The following ATRN variants were observed in gnomAD, a reference collection of about 807,000 sequenced individuals.
ATRN encodes the protein attractin.
In ATRN, 54 loss-of-function variants were observed where a neutral mutation model predicts 178.7. The observed-to-expected ratio is 0.30, with a 90% CI of 0.24 to 0.38. ATRN has a LOEUF of 0.38. Among genes scored for constraint, ATRN ranks in the 10% least tolerant of loss-of-function variants. The probability of loss-of-function intolerance (pLI) is 1.00; values close to 1 mark genes in which losing one functional copy is unlikely to be tolerated. For missense variants in ATRN, 1,443 were observed against 1,815.1 expected, an observed-to-expected ratio of 0.79 and a Z score of 3.73; for synonymous variants, 636 against 663.0, an observed-to-expected ratio of 0.96 and a Z score of 0.63.
rs1033039516 is a variant in ATRN, at chr20:3,475,288, C to T, written c.410+3771C>T. Among the ~76,000 whole-genome samples the T allele has an allele frequency of 1.3e-4, 20 of 152,156 alleles. No homozygotes were observed. The East Asian group carries it at 1.4e-3, about 10-fold the overall frequency. ...ATTAATTGAAGGGAACGTAGGCTAA[C>T]GAGGAGTGGATTTCCCTAAGGTTAT... On this transcript the variant is annotated intron_variant, in intron 1 of 28. Transcript: ENST00000262919.
At chr20:3,603,023 C>T (rs995564515) in intron 23 of ATRN, among the ~76,000 whole-genome samples, 11 of 131,360 alleles carry the variant, frequency 8.4e-5, no homozygotes, top group African/African-American at 1.5e-4. Context: ...TCAATGAAGA[C>T]GTGATAATGT....
chr20:3,485,729 C>T (rs2084684339), intron 1 of ATRN, among the ~76,000 whole-genome samples: 1 of 141,244 alleles, frequency 7.1e-6, no homozygotes, highest in Non-Finnish European at 1.5e-5. Flanking sequence ...TCAAGCAATT[C>T]TCCTGCCTCA....
At chr20:3,562,531 GCTAT>G in intron 9 of ATRN, 72 bp downstream of exon 9, 4 of 1,503,690 alleles carry the variant, frequency 2.7e-6, no homozygotes, top group Non-Finnish European at 3.6e-6. Flanking sequence ...AAAATATTGT[GCTAT>G]CTTTTTGTTT....
At chr20:3,627,063 A>G (rs2086947425) in intron 25 of ATRN, among the ~76,000 whole-genome samples, 1 of 152,198 alleles carries the variant, frequency 6.6e-6, no homozygotes, top group South Asian at 2.1e-4. Flanking sequence ...CTGGGATTAC[A>G]AGCATGAACC....
chr20:3,500,803 T>C (rs1471885160), intron 1 of ATRN, among the ~76,000 whole-genome samples: 4 of 151,804 alleles, frequency 2.6e-5, no homozygotes, highest in Admixed American at 2.6e-4. Context: ...AACTTGCACA[T>C]TGTGCACATG....
In ATRN at chr20:3,563,258, A is replaced by G. The variant is rs899686432; in HGVS notation, c.1681A>G (p.Ile561Val). The change falls in exon 10 of 29, where the codon ATA becomes GTA. Residue 561 changes from isoleucine to valine, a missense_variant. By Grantham distance (29) the Ile-to-Val change is conservative. This residue lies in a region of ATRN where 862 missense variants were observed against 972.1 expected (regional missense o/e 0.89). Coordinates refer to ENST00000262919, the MANE Select transcript of ATRN (RefSeq NM_139321.3). ...RFFRYLHTAV[I>V]VSGTMLVFGG... ...TTTCCGTTACTTGCACACAGCTGTG[A>G]TAGTGAGTGGAACCATGCTGGTGTT... 1.9e-6 allele frequency: 3 copies of G among 1,614,006 alleles called. No homozygotes were observed. Among genetic ancestry groups the G allele is most frequent in the Non-Finnish European group, 2.5e-6 (3 of 1,179,966 alleles).
chr20:3,503,283 C>T (rs1044956750), intron 1 of ATRN, among the ~76,000 whole-genome samples: 1 of 152,142 alleles, frequency 6.6e-6, no homozygotes, highest in African/African-American at 2.4e-5. Flanking sequence ...ATGTTAGAGA[C>T]TTCTAACATA....
chr20:3,587,810 A>C (rs2086378799), intron 18 of ATRN, among the ~76,000 whole-genome samples: 1 of 151,954 alleles, frequency 6.6e-6, no homozygotes. Flanking sequence ...TCTACTGACC[A>C]ATTTGGGGTG....
Position 3,497,257 on chromosome 20 carries a change from C to T in ATRN, c.410+25740C>T, listed in dbSNP as rs1395140976. Among the ~76,000 whole-genome samples, 15 of 150,598 alleles carry T rather than the reference C, an allele frequency of 1.0e-4. No homozygotes were observed. In the South Asian group the frequency reaches 1.5e-3, roughly 15 times the overall value. ...AGTTGATGCAGTTTCTTCCTAGTCT[C>T]GATGGTCTTTACATTTTGGCATGAT... is the stretch of plus-strand genomic sequence containing the variant. On this transcript the variant is annotated intron_variant, in intron 1 of 28. Coordinates refer to ENST00000262919, the MANE Select transcript of ATRN (RefSeq NM_139321.3).
intron 10 of ATRN, 121 bp downstream of exon 10, chr20:3,563,484 A>C (rs1249324967): frequency 5.9e-6 from 6 of 1,021,168 alleles, no homozygotes; most frequent in Non-Finnish European, 8.4e-6. Context: ...AAGAGGTCCA[A>C]ATGGTATTTT....
rs2146321433 is a variant in ATRN, at chr20:3,632,186, C to A, written c.3864-2125C>A. Reference sequence around the variant, plus strand: ...ATGGATCTACTGATATGTCCAGATTCCAAAGTGCTTTTCACACCTCTGCTT... The same window carrying A: ...ATGGATCTACTGATATGTCCAGATTACAAAGTGCTTTTCACACCTCTGCTT... On this transcript the variant is annotated intron_variant, in intron 25 of 28. Transcript: ENST00000262919. The surrounding 1 kb of genome is among the most constrained non-coding windows in gnomAD (Gnocchi z 4.2). Among the ~76,000 whole-genome samples, 1 of 152,310 alleles carries A rather than the reference C, an allele frequency of 6.6e-6. No homozygotes were observed. The highest frequency in any genetic ancestry group is 3.4e-3 in the Middle Eastern group (1 of 294).
chr20:3,594,312 T>C (rs779435990), intron 19 of ATRN, among the ~76,000 whole-genome samples, 167 bp from the exon 20 acceptor site: 1 of 152,228 alleles, frequency 6.6e-6, no homozygotes, highest in African/African-American at 2.4e-5. Flanking sequence ...CTATACATTA[T>C]TATCATTAGC....
intron 1 of ATRN, among the ~76,000 whole-genome samples, chr20:3,513,936 T>C (rs919771323): frequency 2.0e-5 from 3 of 152,156 alleles, no homozygotes; most frequent in African/African-American, 7.2e-5. Context: ...TTTTTGCACA[T>C]TGATTTTGTA....
intron 11 of ATRN, among the ~76,000 whole-genome samples, chr20:3,571,505 TGA>T (rs2086122412): frequency 6.6e-6 from 1 of 152,138 alleles, no homozygotes; most frequent in African/African-American, 2.4e-5. Context: ...CAGTAGTGTG[TGA>T]GAGTGCCTTT....
chr20:3,476,764 G>A (rs2084537312), intron 1 of ATRN, among the ~76,000 whole-genome samples: 1 of 152,220 alleles, frequency 6.6e-6, no homozygotes, highest in South Asian at 2.1e-4. Flanking sequence ...GGAGGCTGAG[G>A]CAGGAGAATC....
chr20:3,622,265 A>G (rs1036698831), intron 24 of ATRN, among the ~76,000 whole-genome samples: 3 of 152,248 alleles, frequency 2.0e-5, no homozygotes. Context: ...GAGAATTATG[A>G]AACACTTCCT....
At chr20:3,590,629 A>T (rs1350007680) in intron 18 of ATRN, among the ~76,000 whole-genome samples, 1 of 152,248 alleles carries the variant, frequency 6.6e-6, no homozygotes, top group Non-Finnish European at 1.5e-5. Flanking sequence ...ATATTAGAAT[A>T]TAAGGGAATG....
intron 24 of ATRN, among the ~76,000 whole-genome samples, chr20:3,612,962 A>C (rs1360866454): frequency 6.6e-6 from 1 of 152,040 alleles, no homozygotes; most frequent in East Asian, 1.9e-4. Context: ...CCAGTTCCCT[A>C]TTGCTCCACC....
chr20:3,527,772 G>GCAAAT (rs2085388653), intron 1 of ATRN, among the ~76,000 whole-genome samples: 1 of 152,066 alleles, frequency 6.6e-6, no homozygotes, highest in Non-Finnish European at 1.5e-5. Context: ...TCCTTTGCAG[G>GCAAAT]GACATGATGA....
Sources: allele counts gnomAD v4.1 joint callset (sites outside exome capture counted in the v4.1 genomes callset), GRCh38; gene constraint gnomAD v4.1.1; regional missense constraint gnomAD v4.1.1; non-coding constraint Gnocchi (gnomAD v3.1); transcripts MANE v1.5; gene names NCBI Gene and HGNC (gene_info 2026-07-23, HGNC 2026-07-21).